The following ZNF383 variants were observed in gnomAD, a reference collection of about 807,000 sequenced individuals.
The protein encoded by ZNF383 is zinc finger protein 383.
In ZNF383, 32 loss-of-function variants were observed where a neutral mutation model predicts 44.2. The observed-to-expected ratio is 0.72, with a 90% CI of 0.55 to 0.97. ZNF383 has a LOEUF of 0.97. Among genes scored for constraint, ZNF383 ranks in the 50% least tolerant of loss-of-function variants. The pLI is 0.00. For missense variants in ZNF383, 487 were observed against 562.5 expected (o/e 0.87, Z 1.36); for synonymous variants, 155 against 186.2 (o/e 0.83, Z 1.36).
At chr19:37,226,782 G>C (rs1973186781) in intron 2 of ZNF383, 1 of 152,110 alleles carries the variant, frequency 6.6e-6, no homozygotes, top group African/African-American at 2.4e-5. Context: ...TTCACTATAA[G>C]ATATATTGAC....
At chr19:37,230,981 A>G (rs1973458790) in intron 3 of ZNF383, among the ~76,000 whole-genome samples, 1 of 152,078 alleles carries the variant, frequency 6.6e-6, no homozygotes, top group Admixed American at 6.6e-5. Flanking sequence ...GAGCTCTGCA[A>G]CTCTGTAAGA....
At position 37,243,065 on chromosome 19, in the gene ZNF383, A is replaced by G. The variant is rs754587170; in HGVS notation, c.829A>G (p.Thr277Ala). The change falls in exon 6 of 6, where the codon ACT (threonine) becomes GCT (alanine). Residue 277 changes from threonine (T) to alanine (A), a missense_variant. By Grantham distance (58) the Thr-to-Ala change is moderately conservative. Coordinates refer to ENST00000684119, the MANE Select transcript of ZNF383 (RefSeq NM_001387601.1). The part of the protein sequence containing the change: ...SNLIDHQRIH[T>A]GEKPYECKVC... Reference sequence around the variant, plus strand: ...TCTTATTGACCATCAGCGAATTCACACTGGTGAAAAACCTTATGAATGTAA... The same window carrying G: ...TCTTATTGACCATCAGCGAATTCACGCTGGTGAAAAACCTTATGAATGTAA... 6.2e-7 allele frequency: 1 copy of G among 1,614,134 alleles called. No individual in the cohort carries two copies. Among genetic ancestry groups the G allele is most frequent in the Non-Finnish European group, 8.5e-7 (1 of 1,180,020 alleles).
At position 37,245,600 on chromosome 19, in the gene ZNF383, T is replaced by C. The variant is rs1197696802; in HGVS notation, c.*1936T>C. 1 of 151,218 alleles carries C rather than the reference T, an allele frequency of 6.6e-6. No homozygotes were observed. The highest frequency in any genetic ancestry group is 2.4e-5 in the African/African-American group (1 of 41,170). The allele number at this position is 151,218 out of a possible 1,614,324, so 9.4% of individuals were successfully genotyped here. ...AGCGATTCTCCTGCCTCAGCCTTCC[T>C]AGTATCTGAGACTACAGGCGCACGA... On this transcript the variant is annotated 3_prime_UTR_variant, in exon 6 of 6. Coordinates refer to ENST00000684119, the MANE Select transcript of ZNF383 (RefSeq NM_001387601.1).
chr19:37,234,628 G>A (rs1033399458), intron 3 of ZNF383, among the ~76,000 whole-genome samples: 15 of 151,990 alleles, frequency 9.9e-5, no homozygotes, highest in Non-Finnish European at 1.3e-4. Flanking sequence ...CTGACCTCGC[G>A]ATCAGCCCGC....
intron 1 of ZNF383, among the ~76,000 whole-genome samples, chr19:37,218,594 G>T (rs79456941): frequency 6.6e-6 from 1 of 152,282 alleles, no homozygotes; most frequent in East Asian, 1.9e-4. Flanking sequence ...GAGGGTGTTT[G>T]TGTGGAGAGA....
chr19:37,233,001 A>G (rs779243706), intron 3 of ZNF383, among the ~76,000 whole-genome samples: 3 of 152,150 alleles, frequency 2.0e-5, no homozygotes, highest in Non-Finnish European at 4.4e-5. Context: ...AAAATAGGGA[A>G]ATTCATCAAA....
rs117754262 is a variant in ZNF383 at position 37,242,290 on chromosome 19, A to G, written c.233-179A>G. ...GTTACCTTCCTCTGCTTCCTGCATT[A>G]TCTTACTAATTTCTTTGTCTTTCTT... On this transcript the variant is annotated intron_variant, in intron 5 of 5. Transcript: ENST00000684119. 8.9e-4 allele frequency among the ~76,000 whole-genome samples: 136 copies of G among 151,988 alleles called. 4 individuals carry two copies. The East Asian group carries it at 0.022, about 25-fold the overall frequency.
At chr19:37,237,267 A>G (rs192792290) in intron 5 of ZNF383, among the ~76,000 whole-genome samples, 60 of 152,338 alleles carry the variant, frequency 3.9e-4, no homozygotes, top group African/African-American at 1.4e-3. Context: ...AGTTTAGCAG[A>G]AAGTCAAAGG....
chr19:37,228,312 T>G (rs1461584455), intron 2 of ZNF383, among the ~76,000 whole-genome samples: 1 of 152,064 alleles, frequency 6.6e-6, no homozygotes, highest in Non-Finnish European at 1.5e-5. Context: ...CTCTGTACTG[T>G]GTTCCTTTAG....
rs12975869 is a variant in ZNF383, at chr19:37,244,426, G to T, written c.*762G>T. 14,916 of 152,706 alleles carry T rather than the reference G, an allele frequency of 0.098. 916 individuals are homozygous for T. The highest frequency in any genetic ancestry group is 0.17 in the Middle Eastern group (52 of 298). The allele number at this position is 152,706 out of a possible 1,614,324, so 9.5% of individuals were successfully genotyped here. On this transcript the variant is annotated 3_prime_UTR_variant, in exon 6 of 6. Transcript: ENST00000684119. ...GAGTTTCGCTCTTGTTGCCTAGGCTGGAGTGCAATGGTGCAATCTCGGCTC... is the reference window on the plus strand; with the variant it reads ...GAGTTTCGCTCTTGTTGCCTAGGCTTGAGTGCAATGGTGCAATCTCGGCTC...
intron 1 of ZNF383, among the ~76,000 whole-genome samples, chr19:37,221,189 CATT>C (rs1169485278): frequency 1.3e-5 from 2 of 152,272 alleles, no homozygotes; most frequent in African/African-American, 4.8e-5. Flanking sequence ...AGCTTATAAA[CATT>C]ATAGTCATCT....
At chr19:37,239,897 C>A (rs1166708026) in intron 5 of ZNF383, among the ~76,000 whole-genome samples, 1 of 152,082 alleles carries the variant, frequency 6.6e-6, no homozygotes, top group South Asian at 2.1e-4. Flanking sequence ...CAGTGGCTCA[C>A]GCCTGTAATC....
intron 3 of ZNF383, 111 bp downstream of exon 3, chr19:37,230,573 A>C: frequency 8.4e-7 from 1 of 1,196,876 alleles, no homozygotes; most frequent in Non-Finnish European, 1.2e-6. Flanking sequence ...GTTCCCCTTC[A>C]GAATCCTTGT....
intron 1 of ZNF383, among the ~76,000 whole-genome samples, chr19:37,224,046 G>A (rs1267639831): frequency 1.3e-5 from 2 of 151,354 alleles, no homozygotes; most frequent in South Asian, 4.2e-4. Context: ...AAAAAAAAAA[G>A]AAAAAAATTA....
intron 3 of ZNF383, 80 bp from the exon 4 acceptor site, chr19:37,235,469 T>G (rs1455283963): frequency 6.8e-6 from 10 of 1,464,376 alleles, no homozygotes; most frequent in Non-Finnish European, 9.5e-6. Context: ...ACTCATTTTG[T>G]ATTACCCCAC....
At chr19:37,231,090 T>A (rs1402678547) in intron 3 of ZNF383, among the ~76,000 whole-genome samples, 1 of 152,182 alleles carries the variant, frequency 6.6e-6, no homozygotes, top group Non-Finnish European at 1.5e-5. Context: ...GAATTAAGGA[T>A]AGTGATAATG....
chr19:37,218,638 G>A (rs1390625696), intron 1 of ZNF383, among the ~76,000 whole-genome samples: 1 of 152,110 alleles, frequency 6.6e-6, no homozygotes, highest in Non-Finnish European at 1.5e-5. Context: ...GTTAGTCTGA[G>A]GGGTGTGTGT....
chr19:37,230,519 C>A, intron 3 of ZNF383, 57 bp downstream of exon 3: 20 of 1,369,730 alleles, frequency 1.5e-5, no homozygotes, highest in Non-Finnish European at 2.1e-5. Context: ...AAAAAAAAGA[C>A]ATGAGCATTT....
chr19:37,247,128 A>G lies in ZNF383; in HGVS notation c.*3464A>G, dbSNP rs1177347796. On this transcript the variant is annotated 3_prime_UTR_variant, in exon 6 of 6. Transcript: ENST00000684119. ...GTTGTATTGGAAGTTTTATAACCTA[A>G]TATTTGTGCATATATTGTAATACTA... 6.6e-6 allele frequency: 1 copy of G among 152,212 alleles called. No individual in the cohort carries two copies. The highest frequency in any genetic ancestry group is 1.5e-5 in the Non-Finnish European group (1 of 68,042). 9.4% of individuals were successfully genotyped at this position (152,212 alleles called of 1,614,324 possible).
Sources: allele counts gnomAD v4.1 joint callset (sites outside exome capture counted in the v4.1 genomes callset), GRCh38; gene constraint gnomAD v4.1.1; transcripts MANE v1.5; gene names NCBI Gene and HGNC (gene_info 2026-07-23, HGNC 2026-07-21).